Variants in PLD5 observed in about 807,000 individuals in gnomAD.
The protein encoded by PLD5 is phospholipase D family member 5, also known as inactive phospholipase D5.
PLD5 carries 36 observed loss-of-function variants against 61.1 expected under a neutral mutation model. That is an observed-to-expected ratio of 0.59 (90% confidence interval 0.45 to 0.78). The LOEUF is 0.78. Among genes scored for constraint, PLD5 ranks in the 30% least tolerant of loss-of-function variants. The pLI, the probability that PLD5 is intolerant of heterozygous loss-of-function variation, is 0.00. For synonymous variants in PLD5, 243 were observed against 242.8 expected (o/e 1.00, Z -0.01); for missense variants, 515 against 644.4 (o/e 0.80, Z 2.17).
At chr1:242,093,208 C>T (rs12080514) in intron 9 of PLD5, among the ~76,000 whole-genome samples, 3,151 of 152,258 alleles carry the variant, frequency 0.021, 120 homozygotes, top group African/African-American at 0.072. Context: ...TGTGCAGAGG[C>T]TGCAGTTCTG....
Position 242,220,007 on chromosome 1 carries a change from T to C in PLD5, c.716A>G (p.Asp239Gly). The change falls in exon 5 of 10, where the codon GAC becomes GGC. Residue 239 changes from aspartate (D) to glycine (G), a missense_variant. This residue lies in a region of PLD5 where 450 missense variants were observed against 598.1 expected (regional missense o/e 0.75). Transcript: ENST00000536534. ...QHVYIGSAGLDWQSLGQMKEL... is the reference protein window; with the variant it reads ...QHVYIGSAGLGWQSLGQMKEL... ...GCTTACCTGTCCCAGGGATTGCCAG[T>C]CCAAACCGGCACTGCCGATATACAC... 6.2e-7 allele frequency: 1 copy of C among 1,614,106 alleles called. No individual in the cohort carries two copies. The highest frequency in any genetic ancestry group is 8.5e-7 in the Non-Finnish European group (1 of 1,179,956).
intron 5 of PLD5, chr1:242,210,742 T>C (rs1443672878): frequency 6.6e-6 from 1 of 152,152 alleles, no homozygotes; most frequent in African/African-American, 2.4e-5. Context: ...TCTTATAAAA[T>C]GGCCCCACCC....
At chr1:242,202,392 A>T (rs931835126) in intron 5 of PLD5, among the ~76,000 whole-genome samples, 7 of 152,154 alleles carry the variant, frequency 4.6e-5, no homozygotes, top group African/African-American at 1.7e-4. Flanking sequence ...ACATTTATTG[A>T]GCTTACAATG....
chr1:242,100,308 T>C (rs1005018651), intron 9 of PLD5, among the ~76,000 whole-genome samples: 2 of 152,192 alleles, frequency 1.3e-5, no homozygotes, highest in Non-Finnish European at 2.9e-5. Context: ...CATGTCAGGC[T>C]GGCTTGTGGT....
At chr1:242,200,442 T>G (rs1668911607) in intron 5 of PLD5, among the ~76,000 whole-genome samples, 1 of 152,168 alleles carries the variant, frequency 6.6e-6, no homozygotes, top group Non-Finnish European at 1.5e-5. Context: ...GGCAGTAGCT[T>G]TGAGACGTCT....
At chr1:242,491,388 T>C (rs1668145908) in intron 1 of PLD5, among the ~76,000 whole-genome samples, 1 of 152,214 alleles carries the variant, frequency 6.6e-6, no homozygotes, top group Non-Finnish European at 1.5e-5. Flanking sequence ...AACGTGTGCA[T>C]GTGCGCACAC....
At chr1:242,114,239 G>T (rs1173057120) in intron 6 of PLD5, among the ~76,000 whole-genome samples, 2 of 152,078 alleles carry the variant, frequency 1.3e-5, no homozygotes, top group Non-Finnish European at 2.9e-5. Context: ...GTTTTGGAAA[G>T]AATTCTTTTA....
chr1:242,238,930 A>T (rs1292259863), intron 4 of PLD5, among the ~76,000 whole-genome samples: 1 of 152,090 alleles, frequency 6.6e-6, no homozygotes, highest in Non-Finnish European at 1.5e-5. Context: ...TACTTAACTC[A>T]CTGGAAGGCT....
intron 1 of PLD5, among the ~76,000 whole-genome samples, chr1:242,351,193 G>A (rs1267221706): frequency 1.3e-5 from 2 of 152,080 alleles, no homozygotes; most frequent in African/African-American, 2.4e-5. Context: ...GAGCAACCGC[G>A]CCCGGCCCTG....
intron 1 of PLD5, among the ~76,000 whole-genome samples, chr1:242,423,738 A>T (rs537840854): frequency 2.6e-5 from 4 of 152,146 alleles, no homozygotes; most frequent in Non-Finnish European, 5.9e-5. Flanking sequence ...TGACATTCCC[A>T]TTATTTCTGG....
At chr1:242,239,644 T>C (rs1339710199) in intron 4 of PLD5, among the ~76,000 whole-genome samples, 1 of 152,180 alleles carries the variant, frequency 6.6e-6, no homozygotes, top group East Asian at 1.9e-4. Flanking sequence ...GGGAGGTGCC[T>C]GACTGCACAG....
chr1:242,423,883 A>T (rs985491423), intron 1 of PLD5, among the ~76,000 whole-genome samples: 2 of 152,190 alleles, frequency 1.3e-5, no homozygotes, highest in African/African-American at 4.8e-5. Context: ...TCTAACACAC[A>T]GGGGCAATGG....
chr1:242,115,806 G>C (rs1314859345), intron 6 of PLD5, among the ~76,000 whole-genome samples: 1 of 152,218 alleles, frequency 6.6e-6, no homozygotes, highest in Non-Finnish European at 1.5e-5. Flanking sequence ...AGGAGAGCCA[G>C]AGAAGAAGGA....
chr1:242,393,718 G>A (rs1479704019), intron 1 of PLD5, among the ~76,000 whole-genome samples: 1 of 145,578 alleles, frequency 6.9e-6, no homozygotes, highest in African/African-American at 2.5e-5. Context: ...GTATATATGA[G>A]TATATATGTG....
chr1:242,420,957 G>A (rs539878761), intron 1 of PLD5, among the ~76,000 whole-genome samples: 9 of 152,140 alleles, frequency 5.9e-5, no homozygotes, highest in South Asian at 2.1e-4. Context: ...CGAGCCAGGC[G>A]GATCACGAGG....
At chr1:242,103,546 G>A (rs1382335366) in intron 8 of PLD5, among the ~76,000 whole-genome samples, 1 of 152,142 alleles carries the variant, frequency 6.6e-6, no homozygotes, top group Non-Finnish European at 1.5e-5. Context: ...TGCTGTTTCG[G>A]AGCTGAATCA....
intron 1 of PLD5, among the ~76,000 whole-genome samples, chr1:242,513,310 C>A (rs978819012): frequency 2.0e-5 from 3 of 152,198 alleles, no homozygotes; most frequent in African/African-American, 7.2e-5. Flanking sequence ...CGTTCACTTG[C>A]TGTTTCAATA....
intron 5 of PLD5, among the ~76,000 whole-genome samples, chr1:242,167,868 G>C (rs1473211007): frequency 1.3e-5 from 2 of 152,182 alleles, no homozygotes; most frequent in Admixed American, 1.3e-4. Flanking sequence ...CAGAGATTTA[G>C]GTGGGCAATT....
chr1:242,438,116 G>A (rs1169286628), intron 1 of PLD5, among the ~76,000 whole-genome samples: 1 of 152,122 alleles, frequency 6.6e-6, no homozygotes, highest in Non-Finnish European at 1.5e-5. Flanking sequence ...AGATATCCTT[G>A]ATTATGGTGC....
Sources: gnomAD v4.1 joint callset for allele counts (sites outside exome capture counted in the v4.1 genomes callset) on GRCh38, gnomAD v4.1.1 for gene constraint, gnomAD v4.1.1 regional missense constraint, MANE v1.5 for transcripts, NCBI Gene and HGNC (gene_info 2026-07-23, HGNC 2026-07-21) for gene names.